Variants in CFAP77 observed in about 807,000 individuals in gnomAD.
The protein encoded by CFAP77 is cilia- and flagella-associated protein 77.
CFAP77 carries 25 observed loss-of-function variants against 31.1 expected under a neutral mutation model. The observed-to-expected ratio is 0.80, with a 90% CI of 0.59 to 1.12. The LOEUF (loss-of-function observed/expected upper bound fraction) is 1.12, where lower values mean the gene tolerates loss of function less well. CFAP77 is among the 50% of genes most tolerant of loss of function. CFAP77 has a pLI of 0.00. For synonymous variants in CFAP77, 151 were observed against 159.9 expected (o/e 0.94, Z 0.42); for missense variants, 377 against 397.3 (o/e 0.95, Z 0.44).
At chr9:132,529,516 A>AC (rs1408576769) in intron 3 of CFAP77, among the ~76,000 whole-genome samples, 3 of 135,372 alleles carry the variant, frequency 2.2e-5, no homozygotes, top group Non-Finnish European at 3.1e-5. Flanking sequence ...ATAAAAAAAA[A>AC]AAACAAAAAA....
chr9:132,412,158 G>A (rs537876987), intron 1 of CFAP77, among the ~76,000 whole-genome samples: 2 of 152,276 alleles, frequency 1.3e-5, no homozygotes, highest in African/African-American at 4.8e-5. Context: ...GCTTAGGGTC[G>A]GAAAATGTAC....
chr9:132,508,590 G>C (rs547888085), intron 3 of CFAP77, among the ~76,000 whole-genome samples: 1 of 152,088 alleles, frequency 6.6e-6, no homozygotes, highest in African/African-American at 2.4e-5. Context: ...ACAGTGGGGG[G>C]GTTTTGCTCT....
chr9:132,535,010 C>G (rs1286391725), intron 3 of CFAP77, among the ~76,000 whole-genome samples: 1 of 152,230 alleles, frequency 6.6e-6, no homozygotes, highest in African/African-American at 2.4e-5. Flanking sequence ...ATCCCCGGTT[C>G]TTTTGAGCAG....
intron 1 of CFAP77, among the ~76,000 whole-genome samples, chr9:132,462,843 A>C (rs527685893): frequency 6.6e-6 from 1 of 152,224 alleles, no homozygotes; most frequent in East Asian, 1.9e-4. Flanking sequence ...AAAATAAAGA[A>C]CACGTTTGTA....
At position 132,437,088 on chromosome 9, in the gene CFAP77, C is replaced by T. The variant is rs560489092; in HGVS notation, c.195+26622C>T. 2.6e-4 allele frequency among the ~76,000 whole-genome samples: 39 copies of T among 152,260 alleles called. 1 individual carries two copies. The South Asian group carries it at 7.9e-3, about 31-fold the overall frequency. The stretch of plus-strand genomic sequence containing the variant: ...ATTTCGCACCCTGTGTATCATCTGA[C>T]TTCTGTGTCATGTGCATGTAATACT... On this transcript the variant is annotated intron_variant, in intron 1 of 5. Coordinates refer to ENST00000393216, the MANE Select transcript of CFAP77 (RefSeq NM_001282957.2).
chr9:132,485,852 G>T (rs920552335), intron 1 of CFAP77, among the ~76,000 whole-genome samples: 1 of 151,028 alleles, frequency 6.6e-6, no homozygotes, highest in South Asian at 2.1e-4. Context: ...AGACCGAAGA[G>T]GGGGTATTAT....
At chr9:132,540,123 T>A (rs1369887074) in intron 4 of CFAP77, among the ~76,000 whole-genome samples, 1 of 151,976 alleles carries the variant, frequency 6.6e-6, no homozygotes, top group African/African-American at 2.4e-5. Flanking sequence ...AGAGACGGGG[T>A]CTCACCTTGT....
intron 3 of CFAP77, among the ~76,000 whole-genome samples, chr9:132,514,946 C>T (rs894245626): frequency 4.6e-5 from 7 of 152,132 alleles, no homozygotes; most frequent in Non-Finnish European, 5.9e-5. Flanking sequence ...GCCTCCGGGG[C>T]GCCAGAGCTC....
chr9:132,425,038 G>A (rs939305749), intron 1 of CFAP77, among the ~76,000 whole-genome samples: 4 of 152,216 alleles, frequency 2.6e-5, no homozygotes, highest in Admixed American at 2.6e-4. Flanking sequence ...CCAGCTCAGG[G>A]CGGCGGGAGG....
At chr9:132,492,930 C>T (rs1851673849) in intron 1 of CFAP77, among the ~76,000 whole-genome samples, 1 of 152,116 alleles carries the variant, frequency 6.6e-6, no homozygotes, top group Admixed American at 6.5e-5. Flanking sequence ...GTATCCGGGG[C>T]CAGGTGGAAT....
chr9:132,471,542 CT>C (rs140553556), intron 1 of CFAP77, among the ~76,000 whole-genome samples: 168 of 152,154 alleles, frequency 1.1e-3, no homozygotes, highest in African/African-American at 3.8e-3. Context: ...TTTCACGTTT[CT>C]TTCACTTTGG....
At chr9:132,463,690 A>G (rs1851100955) in intron 1 of CFAP77, among the ~76,000 whole-genome samples, 1 of 152,168 alleles carries the variant, frequency 6.6e-6, no homozygotes, top group Non-Finnish European at 1.5e-5. Context: ...GATGGTGGAG[A>G]GTGGTGACCC....
chr9:132,514,545 C>A (rs1298839199), intron 3 of CFAP77, among the ~76,000 whole-genome samples: 1 of 152,198 alleles, frequency 6.6e-6, no homozygotes, highest in East Asian at 1.9e-4. Context: ...CCTGGCGGAT[C>A]TCCTGTTCTC....
At chr9:132,555,927 A>C (rs1448274323) in intron 5 of CFAP77, among the ~76,000 whole-genome samples, 3 of 152,130 alleles carry the variant, frequency 2.0e-5, no homozygotes, top group African/African-American at 4.8e-5. Context: ...ACCGAGAATC[A>C]ACATGCAAAA....
chr9:132,428,593 C>T (rs1850353967), intron 1 of CFAP77, among the ~76,000 whole-genome samples: 1 of 152,006 alleles, frequency 6.6e-6, no homozygotes, highest in South Asian at 2.1e-4. Flanking sequence ...CCAGCCTGAG[C>T]GACAGAGCGA....
At chr9:132,458,357 G>GTGGGGTGT (rs1554738861) in intron 1 of CFAP77, among the ~76,000 whole-genome samples, 1 of 119,042 alleles carries the variant, frequency 8.4e-6, no homozygotes, top group Non-Finnish European at 1.7e-5. Context: ...GAGGGGGGGG[G>GTGGGGTGT]GTGTGTATGG....
chr9:132,534,528 C>T (rs560405993), intron 3 of CFAP77, among the ~76,000 whole-genome samples: 120 of 148,044 alleles, frequency 8.1e-4, no homozygotes, highest in African/African-American at 2.3e-3. Context: ...AGGAGAATGG[C>T]GTGAACCCAG....
chr9:132,438,541 A>ATATATTTTTTTTTTTTTTT, intron 1 of CFAP77, among the ~76,000 whole-genome samples: 1 of 108,154 alleles, frequency 9.2e-6, no homozygotes, highest in East Asian at 2.3e-4. Flanking sequence ...ATATATATAT[A>ATATATTTTTTTTTTTTTTT]TTTTTTTTTT....
intron 3 of CFAP77, among the ~76,000 whole-genome samples, chr9:132,534,162 A>C (rs1489383338): frequency 6.6e-6 from 1 of 152,188 alleles, no homozygotes; most frequent in Non-Finnish European, 1.5e-5. Flanking sequence ...AGCATGACCC[A>C]TCTGCTGGGA....
Sources: allele counts gnomAD v4.1 joint callset (sites outside exome capture counted in the v4.1 genomes callset), GRCh38; gene constraint gnomAD v4.1.1; transcripts MANE v1.5; gene names NCBI Gene and HGNC (gene_info 2026-07-23, HGNC 2026-07-21).